Variants in PDK1 observed in about 807,000 individuals in gnomAD.
PDK1 encodes the protein pyruvate dehydrogenase kinase 1, also known as [Pyruvate dehydrogenase (acetyl-transferring)] kinase isozyme 1, mitochondrial.
A neutral mutation model predicts 54.2 loss-of-function variants in PDK1; 39 were observed. That is an observed-to-expected ratio of 0.72 (90% CI 0.56 to 0.94). The LOEUF is 0.94. PDK1 is among the 40% of genes least tolerant of loss of function. The pLI is 0.00. For synonymous variants in PDK1, 221 were observed against 207.1 expected (o/e 1.07, Z -0.58); for missense variants, 552 against 566.0 (o/e 0.98, Z 0.25).
chr2:172,581,355 T>C (rs1689898658), intron 8 of PDK1, among the ~76,000 whole-genome samples: 1 of 152,228 alleles, frequency 6.6e-6, no homozygotes, highest in Non-Finnish European at 1.5e-5. Flanking sequence ...CCTCCCAAAG[T>C]GCTGGGATTA....
intron 9 of PDK1, among the ~76,000 whole-genome samples, chr2:172,589,636 C>T (rs76624092): frequency 0.038 from 5,737 of 152,174 alleles, 258 homozygotes; most frequent in East Asian, 0.21. Context: ...TTGATTTGTA[C>T]GGGCAAACAG....
chr2:172,591,968 A>T (rs1690613261), intron 9 of PDK1, among the ~76,000 whole-genome samples: 1 of 152,222 alleles, frequency 6.6e-6, no homozygotes, highest in Admixed American at 6.5e-5. Context: ...CTTATTACTT[A>T]CTGAGTACCC....
the PDK1 span, among the ~76,000 whole-genome samples, chr2:172,681,919 G>A: frequency 3.9e-5 from 6 of 152,010 alleles, no homozygotes; most frequent in East Asian, 1.9e-4. Flanking sequence ...CACCACACCC[G>A]GCTAATTTTT....
chr2:172,556,061 C>T (rs1688296242), upstream of PDK1: 1 of 1,020,576 alleles, frequency 9.8e-7, no homozygotes, highest in Non-Finnish European at 1.3e-6. Flanking sequence ...GATCCCCGCC[C>T]CTGCTGCCCG....
At chr2:172,646,744 T>TC in the PDK1 span, among the ~76,000 whole-genome samples, 36 of 138,200 alleles carry the variant, frequency 2.6e-4, no homozygotes, top group Admixed American at 8.8e-4. Context: ...CCTTTTTTTT[T>TC]TTTTTTTTTT....
Position 172,593,011 on chromosome 2 carries a change from T to C in PDK1, c.1133T>C (p.Leu378Pro). 6.2e-7 allele frequency: 1 copy of C among 1,607,496 alleles called. No homozygotes were observed. ...YFQGDLKLYSLEGYGTDAVIY... is the reference protein window; with the variant it reads ...YFQGDLKLYSPEGYGTDAVIY... ...CAAGGAGACCTGAAGCTGTATTCCC[T>C]AGAGGGTTACGGGACAGATGCAGTT... The change falls in exon 10 of 11, where the codon CTA becomes CCA. Residue 378 changes from leucine (L) to proline (P), a missense_variant. Coordinates refer to ENST00000282077, the MANE Select transcript of PDK1 (RefSeq NM_002610.5).
chr2:172,592,387 C>T (rs956982771), intron 9 of PDK1, among the ~76,000 whole-genome samples: 4 of 152,052 alleles, frequency 2.6e-5, no homozygotes, highest in Non-Finnish European at 5.9e-5. Flanking sequence ...CTCTTTCTCT[C>T]TCTCTCTGAC....
At chr2:172,632,285 A>C in the PDK1 span, among the ~76,000 whole-genome samples, 1 of 152,120 alleles carries the variant, frequency 6.6e-6, no homozygotes, top group African/African-American at 2.4e-5. Flanking sequence ...AAAATTAAAA[A>C]AAAAAACCTT....
chr2:172,576,615 T>C (rs1007674892), intron 8 of PDK1, among the ~76,000 whole-genome samples: 1 of 152,104 alleles, frequency 6.6e-6, no homozygotes, highest in Non-Finnish European at 1.5e-5. Context: ...ATTTTACAAC[T>C]ATAATTTTAC....
the PDK1 span, among the ~76,000 whole-genome samples, chr2:172,625,677 A>G: frequency 1.3e-5 from 2 of 152,100 alleles, no homozygotes; most frequent in Non-Finnish European, 2.9e-5. Context: ...ATGAGCTCCC[A>G]TAGTACTTTC....
At chr2:172,568,937 A>G (rs998331720) in intron 7 of PDK1, 120 bp downstream of exon 7, 6 of 659,494 alleles carry the variant, frequency 9.1e-6, no homozygotes, top group Middle Eastern at 3.0e-4. Flanking sequence ...CATCAGTATC[A>G]TATCACATTG....
the PDK1 span, among the ~76,000 whole-genome samples, chr2:172,657,345 G>T: frequency 0.053 from 7,909 of 149,700 alleles, 415 homozygotes; most frequent in East Asian, 0.22. Flanking sequence ...GTTGATTTTT[G>T]GTTTGTTCAG....
chr2:172,611,550 C>T (rs1574561292), downstream of PDK1, among the ~76,000 whole-genome samples: 1 of 152,130 alleles, frequency 6.6e-6, no homozygotes, highest in African/African-American at 2.4e-5. Context: ...GGAAACACTT[C>T]CCAACTCATA....
the PDK1 span, among the ~76,000 whole-genome samples, chr2:172,688,433 C>T: frequency 2.6e-5 from 4 of 152,114 alleles, no homozygotes; most frequent in Non-Finnish European, 5.9e-5. Flanking sequence ...CCTGATGTTT[C>T]CCTCATGACT....
chr2:172,645,696 G>A, the PDK1 span, among the ~76,000 whole-genome samples: 1 of 152,190 alleles, frequency 6.6e-6, no homozygotes, highest in Non-Finnish European at 1.5e-5. Flanking sequence ...TAGAGGACAG[G>A]ACAAGTAATG....
At chr2:172,586,460 A>G in intron 9 of PDK1, 72 bp downstream of exon 9, 1 of 882,300 alleles carries the variant, frequency 1.1e-6, no homozygotes, top group Non-Finnish European at 1.9e-6. Context: ...CCAAATAAGT[A>G]AGTTAAGCCG....
At chr2:172,566,693 C>CA (rs764324321) in intron 5 of PDK1, among the ~76,000 whole-genome samples, 163 bp from the exon 6 acceptor site, 1,395 of 59,208 alleles carry the variant, frequency 0.024, 16 homozygotes, top group South Asian at 0.099. Flanking sequence ...ATGTCTCTAC[C>CA]AAAAAAAAAA....
At chr2:172,559,965 G>A (rs531604129) in intron 2 of PDK1, among the ~76,000 whole-genome samples, 7 of 152,214 alleles carry the variant, frequency 4.6e-5, no homozygotes, top group African/African-American at 1.2e-4. Context: ...TCCCACCTCG[G>A]CCTCCTGAGT....
At chr2:172,593,660 G>A (rs1251334463) in intron 10 of PDK1, among the ~76,000 whole-genome samples, 1 of 152,070 alleles carries the variant, frequency 6.6e-6, no homozygotes, top group East Asian at 1.9e-4. Flanking sequence ...TATCATGACA[G>A]AATTGTACAA....
Sources: gnomAD v4.1 joint callset for allele counts (sites outside exome capture counted in the v4.1 genomes callset) on GRCh38, gnomAD v4.1.1 for gene constraint, MANE v1.5 for transcripts, NCBI Gene and HGNC (gene_info 2026-07-23, HGNC 2026-07-21) for gene names.